The following KCNQ1 variants were observed in gnomAD, a reference collection of about 807,000 sequenced individuals.
KCNQ1 encodes the protein potassium voltage-gated channel subfamily KQT member 1.
KCNQ1 carries 49 observed loss-of-function variants against 72.4 expected under a neutral mutation model. That is an observed-to-expected ratio of 0.68 (90% confidence interval 0.54 to 0.86). The LOEUF is 0.86. Among genes scored for constraint, KCNQ1 ranks in the 40% least tolerant of loss-of-function variants. The pLI is 0.00. For synonymous variants in KCNQ1, 450 were observed against 412.6 expected, an observed-to-expected ratio of 1.09 and a Z score of -1.10; for missense variants, 790 against 945.1, an observed-to-expected ratio of 0.84 and a Z score of 2.15.
chr11:2,567,072 C>T lies in KCNQ1; in HGVS notation c.478-3556C>T, dbSNP rs1405644799. Among the ~76,000 whole-genome samples the T allele has an allele frequency of 6.6e-6, 1 of 151,822 alleles. No individual in the cohort carries two copies. The highest frequency in any genetic ancestry group is 1.9e-4 in the East Asian group (1 of 5,156). Reference sequence around the variant, plus strand: ...GGGGGCACCTGGGGCCCACGGGAGGCTCTGGGGGAGACTGGGCGGTGAGCC... The same window carrying T: ...GGGGGCACCTGGGGCCCACGGGAGGTTCTGGGGGAGACTGGGCGGTGAGCC... On this transcript the variant is annotated intron_variant, in intron 2 of 15. Coordinates refer to ENST00000155840, the MANE Select transcript of KCNQ1 (RefSeq NM_000218.3). This position sits in a 1 kb window ranked among gnomAD's most constrained non-coding sequence, Gnocchi z 6.6.
At chr11:2,739,762 T>G (rs545243003) in intron 11 of KCNQ1, among the ~76,000 whole-genome samples, 1 of 152,362 alleles carries the variant, frequency 6.6e-6, no homozygotes, top group African/African-American at 2.4e-5. Flanking sequence ...TATGGTGTCC[T>G]TGCCCAGCTG....
chr11:2,627,054 C>G lies in KCNQ1; in HGVS notation c.1394-34907C>G. 2.5e-6 allele frequency: 1 copy of G among 398,534 alleles called. No homozygotes were observed. The highest frequency in any genetic ancestry group is 4.4e-6 in the Non-Finnish European group (1 of 226,046). The allele number at this position is 398,534 out of a possible 1,614,324, so 24.7% of individuals were successfully genotyped here. A position where few individuals can be genotyped will look rare whatever the true frequency, so the allele number is the denominator to read the frequency against. ...CAATATTGGCCTTCCAATCCATGAA[C>G]ATAGGAGGTGTTTTCCCTTTATGTC... On this transcript the variant is annotated intron_variant, in intron 10 of 15. Coordinates refer to ENST00000155840, the MANE Select transcript of KCNQ1 (RefSeq NM_000218.3). The surrounding 1 kb of genome is among the most constrained non-coding windows in gnomAD (Gnocchi z 4.9).
rs1011703027 is a variant in KCNQ1, at chr11:2,593,709, C to T, written c.1393+4855C>T. Among the ~76,000 whole-genome samples the T allele has an allele frequency of 2.6e-5, 4 of 152,316 alleles. No individual in the cohort carries two copies. The highest frequency in any genetic ancestry group is 2.6e-4 in the Admixed American group (4 of 15,308). ...CATGGAACAGCCTCACCTCTCACTT[C>T]TGCACTTGTGAGCCTGGTTCTCACA... On this transcript the variant is annotated intron_variant, in intron 10 of 15. Coordinates refer to ENST00000155840, the MANE Select transcript of KCNQ1 (RefSeq NM_000218.3). This position sits in a 1 kb window ranked among gnomAD's most constrained non-coding sequence, Gnocchi z 6.9.
chr11:2,844,305 C>T (rs962926082), intron 15 of KCNQ1, among the ~76,000 whole-genome samples: 2 of 152,206 alleles, frequency 1.3e-5, no homozygotes, highest in Non-Finnish European at 2.9e-5. Context: ...ACTGTGGACC[C>T]GCCCTGGGCA....
At position 2,482,038 on chromosome 11, in the gene KCNQ1, G is replaced by A. The variant is rs536732842; in HGVS notation, c.386+36554G>A. Among the ~76,000 whole-genome samples, 16 of 152,256 alleles carry A rather than the reference G, an allele frequency of 1.1e-4. No individual in the cohort carries two copies. The highest frequency in any genetic ancestry group is 7.2e-4 in the Admixed American group (11 of 15,300). On this transcript the variant is annotated intron_variant, in intron 1 of 15. Coordinates refer to ENST00000155840, the MANE Select transcript of KCNQ1 (RefSeq NM_000218.3). The surrounding 1 kb of genome is among the most constrained non-coding windows in gnomAD (Gnocchi z 5.7). ...CACGGCCATCGGCTGTTTGCTTTATGAATTTGTGCCTCAGTTTCTTCATCT... is the reference window on the plus strand; with the variant it reads ...CACGGCCATCGGCTGTTTGCTTTATAAATTTGTGCCTCAGTTTCTTCATCT...
rs57352601 is a variant in KCNQ1 at position 2,544,268 on chromosome 11, G to A, written c.477+16250G>A. Among the ~76,000 whole-genome samples, 57,308 of 138,862 alleles carry A rather than the reference G, an allele frequency of 0.41. 13,941 individuals are homozygous for A. The highest frequency in any genetic ancestry group is 0.68 in the African/African-American group (23,839 of 35,120). The allele number at this position is 138,862 out of a possible 152,430, so 91.1% of individuals were successfully genotyped here. ...TGTGTGTATATATATATGTGTGTGTGTGTATATATATGTGTATATATATAT... is the reference window on the plus strand; with the variant it reads ...TGTGTGTATATATATATGTGTGTGTATGTATATATATGTGTATATATATAT... On this transcript the variant is annotated intron_variant, in intron 2 of 15. Transcript: ENST00000155840. The surrounding 1 kb of genome is among the most constrained non-coding windows in gnomAD (Gnocchi z 4.4).
At chr11:2,522,958 C>T (rs769935799) in intron 1 of KCNQ1, among the ~76,000 whole-genome samples, 10 of 152,240 alleles carry the variant, frequency 6.6e-5, no homozygotes, top group Non-Finnish European at 8.8e-5. Context: ...TCTCCCGCAA[C>T]GCCCAGTCAA....
At chr11:2,699,468 C>T (rs1850737002) in intron 11 of KCNQ1, 3 of 382,134 alleles carry the variant, frequency 7.9e-6, no homozygotes, top group Admixed American at 9.2e-5. Context: ...CGGGAGAGTG[C>T]CGCGCTGAGG....
intron 15 of KCNQ1, among the ~76,000 whole-genome samples, chr11:2,846,085 T>C (rs537461922): frequency 6.6e-6 from 1 of 152,182 alleles, no homozygotes; most frequent in Non-Finnish European, 1.5e-5. Flanking sequence ...AACCCAGCCC[T>C]GGCCCACACC....
intron 15 of KCNQ1, among the ~76,000 whole-genome samples, chr11:2,791,360 G>A (rs974028787): frequency 2.0e-5 from 3 of 152,050 alleles, no homozygotes; most frequent in African/African-American, 4.8e-5. Context: ...TTGTCTGTGC[G>A]GCAAACCCTG....
chr11:2,578,786 C>T (rs1022942734), intron 6 of KCNQ1, among the ~76,000 whole-genome samples: 10 of 152,238 alleles, frequency 6.6e-5, no homozygotes, highest in Non-Finnish European at 8.8e-5. Flanking sequence ...TGGGCAAGGT[C>T]GGGGCCTGCA....
In KCNQ1 at chr11:2,682,313, A is replaced by G. The variant is rs1564856711; in HGVS notation, c.1514+20232A>G. The G allele has an allele frequency of 2.5e-6, 1 of 398,516 alleles. No individual in the cohort carries two copies. Among genetic ancestry groups the G allele is most frequent in the Non-Finnish European group, 4.4e-6 (1 of 226,050 alleles). 24.7% of individuals were successfully genotyped at this position (398,516 alleles called of 1,614,324 possible). On this transcript the variant is annotated intron_variant, in intron 11 of 15. Coordinates refer to ENST00000155840, the MANE Select transcript of KCNQ1 (RefSeq NM_000218.3). The surrounding 1 kb of genome is among the most constrained non-coding windows in gnomAD (Gnocchi z 5.8). ...ATCACATACCTCCCCTCCCATTCTTAATGTGTAACTGTGTGTTTATTTGTG... is the reference window on the plus strand; with the variant it reads ...ATCACATACCTCCCCTCCCATTCTTGATGTGTAACTGTGTGTTTATTTGTG...
At position 2,689,078 on chromosome 11, in the gene KCNQ1, C is replaced by G. The variant is rs1024945170; in HGVS notation, c.1514+26997C>G. The stretch of plus-strand genomic sequence containing the variant: ...TACCTCCTCCTCCCCGGTGGCACAT[C>G]CGGCCTGGAAGTTGGGTAGTCTGGC... On this transcript the variant is annotated intron_variant, in intron 11 of 15. Transcript: ENST00000155840. 6 of 398,668 alleles carry G rather than the reference C, an allele frequency of 1.5e-5. No homozygotes were observed. The East Asian group carries it at 1.8e-4, about 12-fold the overall frequency. 24.7% of individuals were successfully genotyped at this position (398,668 alleles called of 1,614,324 possible).
At chr11:2,637,429 A>C (rs1303709845) in intron 10 of KCNQ1, 1 of 152,046 alleles carries the variant, frequency 6.6e-6, no homozygotes, top group African/African-American at 2.4e-5. Context: ...CTCTGCCTTC[A>C]TTTCGTTATG....
intron 15 of KCNQ1, among the ~76,000 whole-genome samples, chr11:2,841,267 G>T (rs979720470): frequency 6.6e-6 from 1 of 152,164 alleles, no homozygotes; most frequent in Non-Finnish European, 1.5e-5. Flanking sequence ...AGGGGCCAGC[G>T]GAGCCTCTGG....
chr11:2,596,382 A>C (rs1038406805), intron 10 of KCNQ1, among the ~76,000 whole-genome samples: 1 of 152,242 alleles, frequency 6.6e-6, no homozygotes, highest in Admixed American at 6.5e-5. Flanking sequence ...CCATTTGTAC[A>C]TGGAATATTC....
In KCNQ1 at chr11:2,493,457, ATTC is replaced by A. The variant is rs565548933; in HGVS notation, c.387-34466_387-34464del. 5.9e-5 allele frequency among the ~76,000 whole-genome samples: 9 copies of A among 152,188 alleles called. No individual in the cohort carries two copies. In the East Asian group the frequency reaches 1.7e-3, roughly 29 times the overall value. The stretch of plus-strand genomic sequence containing the variant: ...ATGTCCTGAATGGTATTGCCTGGGT[ATTC>A]TTCTAGGGTTTCCGTGGTTTTAGGT... On this transcript the variant is annotated intron_variant, in intron 1 of 15. Transcript: ENST00000155840. This position sits in a 1 kb window ranked among gnomAD's most constrained non-coding sequence, Gnocchi z 5.3.
chr11:2,670,580 A>T lies in KCNQ1; in HGVS notation c.1514+8499A>T, dbSNP rs957680549. On this transcript the variant is annotated intron_variant, in intron 11 of 15. Transcript: ENST00000155840. This position sits in a 1 kb window ranked among gnomAD's most constrained non-coding sequence, Gnocchi z 4.9. ...AGTATCACTGGGAGATAGGAGCAGA[A>T]GCCAGGGCTCATTCCCAGACACACA... The T allele has an allele frequency of 2.5e-6, 1 of 398,396 alleles. No homozygotes were observed. 24.7% of individuals were successfully genotyped at this position (398,396 alleles called of 1,614,324 possible).
chr11:2,519,804 G>T (rs1847350875), intron 1 of KCNQ1, among the ~76,000 whole-genome samples: 1 of 151,990 alleles, frequency 6.6e-6, no homozygotes, highest in Non-Finnish European at 1.5e-5. Context: ...TTCCATCCCT[G>T]GAAGCTGCAA....
Sources: gnomAD v4.1 joint callset for allele counts (sites outside exome capture counted in the v4.1 genomes callset) on GRCh38, gnomAD v4.1.1 for gene constraint, Gnocchi (gnomAD v3.1) non-coding constraint, MANE v1.5 for transcripts, NCBI Gene and HGNC (gene_info 2026-07-23, HGNC 2026-07-21) for gene names.